The following BBX variants were observed in gnomAD, a reference collection of about 807,000 sequenced individuals.
BBX encodes the protein BBX high mobility group box domain containing, also known as HMG box transcription factor BBX.
Under a neutral mutation model 100.2 loss-of-function variants are expected in BBX, and 30 were observed. That is an observed-to-expected ratio of 0.30 (90% CI 0.22 to 0.41). BBX has a LOEUF of 0.41. Ranked by LOEUF, BBX falls within the 10% of genes least tolerant of loss-of-function variation. BBX has a pLI of 1.00. For missense variants in BBX, 1,023 were observed against 1,129.8 expected (o/e 0.91, Z 1.35); for synonymous variants, 376 against 388.1 (o/e 0.97, Z 0.37).
chr3:107,589,522 C>G (rs904537323), intron 2 of BBX, among the ~76,000 whole-genome samples: 1 of 152,132 alleles, frequency 6.6e-6, no homozygotes. Flanking sequence ...GAGAAATGAC[C>G]ACTGCTTTCA....
intron 2 of BBX, among the ~76,000 whole-genome samples, chr3:107,545,798 G>T (rs1316257806): frequency 6.6e-6 from 1 of 152,172 alleles, no homozygotes; most frequent in Non-Finnish European, 1.5e-5. Flanking sequence ...TGCTCAGTAG[G>T]TAGTGATGAT....
intron 3 of BBX, among the ~76,000 whole-genome samples, chr3:107,675,529 C>G (rs1170484632): frequency 6.6e-6 from 1 of 152,134 alleles, no homozygotes; most frequent in East Asian, 1.9e-4. Context: ...TGCTTTGCCC[C>G]TCTCTTCTCA....
chr3:107,621,133 T>G (rs991109459), intron 2 of BBX, among the ~76,000 whole-genome samples: 1 of 152,252 alleles, frequency 6.6e-6, no homozygotes, highest in South Asian at 2.1e-4. Context: ...TATAGAGCAG[T>G]TACTGTCTAA....
intron 2 of BBX, among the ~76,000 whole-genome samples, chr3:107,599,901 T>C (rs534324967): frequency 8.9e-6 from 1 of 112,342 alleles, no homozygotes; most frequent in African/African-American, 3.6e-5. Flanking sequence ...TCTCATTATT[T>C]ATGAACCACA....
At chr3:107,689,783 A>G (rs1011682080) in intron 3 of BBX, among the ~76,000 whole-genome samples, 2 of 152,212 alleles carry the variant, frequency 1.3e-5, no homozygotes, top group African/African-American at 4.8e-5. Flanking sequence ...TTTTCCTCCC[A>G]AAGTAAATGT....
intron 7 of BBX, 65 bp from the exon 8 acceptor site, chr3:107,744,565 C>T: frequency 8.4e-7 from 1 of 1,184,824 alleles, no homozygotes; most frequent in Non-Finnish European, 1.3e-6. Context: ...GAAGATAGAG[C>T]ATTAAATGTT....
chr3:107,526,602 T>C, intron 2 of BBX: 1 of 371,998 alleles, frequency 2.7e-6, no homozygotes, highest in Non-Finnish European at 4.8e-6. Context: ...ATAGTAAATA[T>C]TCATTTTGTG....
intron 3 of BBX, among the ~76,000 whole-genome samples, chr3:107,702,207 A>G (rs1178147768): frequency 6.6e-6 from 1 of 152,242 alleles, no homozygotes; most frequent in East Asian, 1.9e-4. Flanking sequence ...TTGTGAAACT[A>G]TAAGAGAGCC....
intron 2 of BBX, among the ~76,000 whole-genome samples, chr3:107,640,062 A>G (rs973052708): frequency 2.6e-5 from 4 of 152,198 alleles, no homozygotes; most frequent in African/African-American, 7.2e-5. Context: ...TGAATTTATA[A>G]TATCTTCTAA....
intron 6 of BBX, among the ~76,000 whole-genome samples, chr3:107,729,590 T>G (rs2063180114): frequency 6.6e-6 from 1 of 152,202 alleles, no homozygotes; most frequent in South Asian, 2.1e-4. Flanking sequence ...AATAAAGTAC[T>G]TATATTCACC....
rs576332400 is a variant in BBX at position 107,807,666 on chromosome 3, C to T, written c.*2209C>T. 2.6e-5 allele frequency: 4 copies of T among 151,692 alleles called. No homozygotes were observed. The highest frequency in any genetic ancestry group is 4.8e-5 in the African/African-American group (2 of 41,344). 9.4% of individuals were successfully genotyped at this position (151,692 alleles called of 1,614,324 possible). A position where few individuals can be genotyped will look rare whatever the true frequency, so the allele number is the denominator to read the frequency against. On this transcript the variant is annotated 3_prime_UTR_variant, in exon 18 of 18. Transcript: ENST00000325805. ...CCTTCAGTCCTCCGATTACATTTCA[C>T]TAGAGTTCCTTACGAGATTGCTGTA...
rs140312339 is a variant in BBX, at chr3:107,534,512, C to T, written c.-84+8114C>T. ...CTTCCTCTCTCTCATCTCTTTTTTT[C>T]TCTCCCAGTCTATTATGTTTGGTAA... On this transcript the variant is annotated intron_variant, in intron 2 of 17. Coordinates refer to ENST00000325805, the MANE Select transcript of BBX (RefSeq NM_001142568.3). Among the ~76,000 whole-genome samples, 239 of 151,650 alleles carry T rather than the reference C, an allele frequency of 1.6e-3. 2 individuals carry two copies. Among genetic ancestry groups the T allele is most frequent in the Middle Eastern group, 0.014 (4 of 294 alleles).
At chr3:107,663,969 C>G (rs1025820891) in intron 3 of BBX, among the ~76,000 whole-genome samples, 6 of 152,006 alleles carry the variant, frequency 3.9e-5, no homozygotes, top group Non-Finnish European at 5.9e-5. Context: ...CTGTGCCCAG[C>G]TAATTTTTTG....
chr3:107,742,382 G>T (rs1355127338), intron 7 of BBX, among the ~76,000 whole-genome samples: 1 of 151,334 alleles, frequency 6.6e-6, no homozygotes, highest in African/African-American at 2.4e-5. Flanking sequence ...TGGACTAGAG[G>T]GTCAGCTAAC....
At chr3:107,622,415 T>A (rs2055846840) in intron 2 of BBX, among the ~76,000 whole-genome samples, 1 of 152,214 alleles carries the variant, frequency 6.6e-6, no homozygotes, top group African/African-American at 2.4e-5. Context: ...TATGTTAGCG[T>A]AACTTTTGAT....
At chr3:107,624,006 C>T (rs2107700171) in intron 2 of BBX, among the ~76,000 whole-genome samples, 1 of 152,312 alleles carries the variant, frequency 6.6e-6, no homozygotes, top group Non-Finnish European at 1.5e-5. Flanking sequence ...CTTTTGACCA[C>T]CCATCGCACT....
At chr3:107,767,806 A>G (rs1353914733) in intron 10 of BBX, among the ~76,000 whole-genome samples, 1 of 151,914 alleles carries the variant, frequency 6.6e-6, no homozygotes, top group African/African-American at 2.4e-5. Flanking sequence ...GTGACTGCTG[A>G]CTGCCTTTCC....
intron 7 of BBX, among the ~76,000 whole-genome samples, chr3:107,736,108 C>G (rs989757550): frequency 2.6e-5 from 4 of 151,846 alleles, no homozygotes; most frequent in Admixed American, 2.6e-4. Flanking sequence ...GAAGCAAAAT[C>G]GATACATTGA....
At chr3:107,653,465 AAC>A (rs1268103335) in intron 3 of BBX, among the ~76,000 whole-genome samples, 1 of 152,172 alleles carries the variant, frequency 6.6e-6, no homozygotes, top group African/African-American at 2.4e-5. Flanking sequence ...GACTGAAGTC[AAC>A]ATTTAGGTGT....
Sources: allele counts gnomAD v4.1 joint callset (sites outside exome capture counted in the v4.1 genomes callset), GRCh38; gene constraint gnomAD v4.1.1; transcripts MANE v1.5; gene names NCBI Gene and HGNC (gene_info 2026-07-23, HGNC 2026-07-21).